LIMCH1: variants seen among roughly 807,000 people sequenced by gnomAD.
LIMCH1 encodes LIM and calponin homology domains 1.
In LIMCH1, 113 loss-of-function variants were observed where a neutral mutation model predicts 176.5. The ratio of observed to expected loss-of-function variants is 0.64; its 90% CI spans 0.55 to 0.75. LIMCH1 has a LOEUF of 0.75. LIMCH1 is among the 30% of genes least tolerant of loss of function. The pLI, the probability that LIMCH1 is intolerant of heterozygous loss-of-function variation, is 0.00. For synonymous variants in LIMCH1, 619 were observed against 645.9 expected (o/e 0.96, Z 0.63); for missense variants, 1,674 against 1,814.9 (o/e 0.92, Z 1.41).
Position 41,573,941 on chromosome 4 carries a change from A to G in LIMCH1, c.-240-24979A>G, listed in dbSNP as rs184064680. On this transcript the variant is annotated intron_variant, in intron 1 of 31. Coordinates refer to ENST00000503057, the MANE Select transcript of LIMCH1 (RefSeq NM_001330672.2). ...CTATTTTTAAAGTTCTGTGTCCTGG[A>G]CCTTTGCCATAAGCTCCCGTCTATA... Among the ~76,000 whole-genome samples, 243 of 152,258 alleles carry G rather than the reference A, an allele frequency of 1.6e-3. 1 individual carries two copies. The highest frequency in any genetic ancestry group is 5.5e-3 in the African/African-American group (229 of 41,558).
intron 14 of LIMCH1, among the ~76,000 whole-genome samples, chr4:41,639,944 T>C (rs1392287375): frequency 6.6e-6 from 1 of 152,206 alleles, no homozygotes; most frequent in Non-Finnish European, 1.5e-5. Context: ...TGAATAGAAT[T>C]TGCATGTAGA....
chr4:41,533,938 C>G (rs997608386), upstream of LIMCH1, among the ~76,000 whole-genome samples: 3 of 152,088 alleles, frequency 2.0e-5, no homozygotes, highest in Non-Finnish European at 4.4e-5. Context: ...TGCAGCTGGA[C>G]GCAGAGTCCC....
At chr4:41,434,130 T>C (rs1308398262) in intron 1 of LIMCH1, among the ~76,000 whole-genome samples, 1 of 152,194 alleles carries the variant, frequency 6.6e-6, no homozygotes, top group Non-Finnish European at 1.5e-5. Flanking sequence ...TCCTGTGTGA[T>C]GGCAGAAGGA....
At position 41,685,757 on chromosome 4, in the gene LIMCH1, G is replaced by A; in HGVS notation, c.4015G>A (p.Asp1339Asn). 3 of 1,613,740 alleles carry A rather than the reference G, an allele frequency of 1.9e-6. No homozygotes were observed. The South Asian group carries it at 3.3e-5, about 18-fold the overall frequency. Residue 1339 changes from aspartate (D) to asparagine (N), a missense_variant, in exon 28 of 32, where the codon GAT (aspartate) becomes AAT (asparagine). Asp to Asn is a conservative substitution (Grantham distance 23). Around this residue, in one of 3 missense-constraint regions of LIMCH1, gnomAD observed 1,015 missense variants for 1,102.5 expected, o/e 0.92. Coordinates refer to ENST00000503057, the MANE Select transcript of LIMCH1 (RefSeq NM_001330672.2). ...QTSNPTHSSEDVKPKTLPLDK... is the reference protein window; with the variant it reads ...QTSNPTHSSENVKPKTLPLDK... ...ATCAAATCCAACGCACAGTTCAGAAGATGTGAAGCCAAAAACCCTCCCGCT... is the reference window on the plus strand; with the variant it reads ...ATCAAATCCAACGCACAGTTCAGAAAATGTGAAGCCAAAAACCCTCCCGCT...
chr4:41,589,166 G>C (rs1480896008), intron 1 of LIMCH1, among the ~76,000 whole-genome samples: 1 of 152,180 alleles, frequency 6.6e-6, no homozygotes, highest in Non-Finnish European at 1.5e-5. Flanking sequence ...TGAAAGAGCA[G>C]GTGTTATAGG....
chr4:41,697,041 TG>T, intron 31 of LIMCH1, 118 bp from the exon 32 acceptor site: 2 of 973,346 alleles, frequency 2.1e-6, no homozygotes, highest in Non-Finnish European at 3.3e-6. Flanking sequence ...GAGAAGTTTC[TG>T]GTCCCCAGGA....
intron 1 of LIMCH1, among the ~76,000 whole-genome samples, chr4:41,557,676 G>T (rs925888993): frequency 6.6e-6 from 1 of 151,942 alleles, no homozygotes; most frequent in Non-Finnish European, 1.5e-5. Flanking sequence ...GAAATTTAAG[G>T]TGATGAGGGA....
At chr4:41,365,283 A>G (rs776448542) in intron 1 of LIMCH1, among the ~76,000 whole-genome samples, 1 of 152,186 alleles carries the variant, frequency 6.6e-6, no homozygotes, top group African/African-American at 2.4e-5. Flanking sequence ...GCTGGAAGGG[A>G]TCAGTTTCTC....
At chr4:41,579,047 T>C (rs2084963439) in intron 1 of LIMCH1, among the ~76,000 whole-genome samples, 1 of 134,766 alleles carries the variant, frequency 7.4e-6, no homozygotes, top group Non-Finnish European at 1.5e-5. Flanking sequence ...GAAAAATGTG[T>C]GATTTTTTTT....
At chr4:41,368,586 A>G (rs1422692181) in intron 1 of LIMCH1, among the ~76,000 whole-genome samples, 2 of 152,194 alleles carry the variant, frequency 1.3e-5, no homozygotes, top group Admixed American at 6.5e-5. Flanking sequence ...AATTTGATTG[A>G]TGATGATTTA....
Position 41,619,365 on chromosome 4 carries a change from A to G in LIMCH1, c.383A>G (p.Lys128Arg), listed in dbSNP as rs571364168. The G allele has an allele frequency of 1.9e-6, 3 of 1,614,162 alleles. No homozygotes were observed. The highest frequency in any genetic ancestry group is 3.3e-5 in the Admixed American group (2 of 60,028). ...TACGTCCCCGCGCCTCTGAGAAAGA[A>G]GAAAGCAGAGAGAGAGGAATACCGC... ...TAYVPAPLRK[K>R]KAEREEYRKS... Residue 128 changes from lysine (K) to arginine (R), a missense_variant, in exon 6 of 32, where the codon AAG becomes AGG. Transcript: ENST00000503057.
At chr4:41,654,048 A>G (rs1301205593) in intron 18 of LIMCH1, among the ~76,000 whole-genome samples, 4 of 152,220 alleles carry the variant, frequency 2.6e-5, no homozygotes, top group Middle Eastern at 3.2e-3. Flanking sequence ...GAAATAGAAG[A>G]ATAAACTTCT....
chr4:41,632,217 C>T (rs992864197), intron 10 of LIMCH1, among the ~76,000 whole-genome samples: 3 of 152,184 alleles, frequency 2.0e-5, no homozygotes, highest in Admixed American at 2.0e-4. Flanking sequence ...CCCTGGGAAC[C>T]TCCATTCCCT....
chr4:41,664,463 A>T (rs540642727), intron 20 of LIMCH1, among the ~76,000 whole-genome samples: 2 of 152,134 alleles, frequency 1.3e-5, no homozygotes, highest in Non-Finnish European at 2.9e-5. Context: ...GACCCTAGCT[A>T]TTCTTCATTT....
intron 1 of LIMCH1, among the ~76,000 whole-genome samples, chr4:41,576,415 C>A (rs1056702379): frequency 9.9e-5 from 15 of 152,102 alleles, no homozygotes; most frequent in Non-Finnish European, 2.9e-5. Flanking sequence ...TTTAAAAATA[C>A]AGATATCCTT....
chr4:41,694,913 A>G (rs1351638124), intron 31 of LIMCH1, among the ~76,000 whole-genome samples: 1 of 152,120 alleles, frequency 6.6e-6, no homozygotes, highest in African/African-American at 2.4e-5. Flanking sequence ...GATATCATCA[A>G]ACATTAAAAA....
chr4:41,631,187 C>T lies in LIMCH1; in HGVS notation c.1311C>T (p.Ser437=). 2.6e-6 allele frequency: 4 copies of T among 1,535,522 alleles called. No homozygotes were observed. In the South Asian group the frequency reaches 3.6e-5, roughly 14 times the overall value. The part of the protein sequence containing the change: ...DVQHICASEP[S]PEIKAETAIR... ...AGCACATCTGTGCTTCTGAGCCTTC[C>T]CCAGAAATTAAAGCAGAAACTGCCA... The change falls in exon 10 of 32, where the codon TCC becomes TCT. Residue 437 remains serine (S), a synonymous_variant. Coordinates refer to ENST00000503057, the MANE Select transcript of LIMCH1 (RefSeq NM_001330672.2).
chr4:41,635,528 T>C (rs1225140042), intron 13 of LIMCH1, among the ~76,000 whole-genome samples: 5 of 152,168 alleles, frequency 3.3e-5, no homozygotes, highest in African/African-American at 9.7e-5. Context: ...GCACCTGGCC[T>C]GTCACTCTTT....
chr4:41,695,923 A>G (rs1730303617), intron 31 of LIMCH1, among the ~76,000 whole-genome samples: 1 of 152,204 alleles, frequency 6.6e-6, no homozygotes, highest in African/African-American at 2.4e-5. Context: ...ATGGGAAAAA[A>G]AAAGGCTAAA....
Sources: allele counts gnomAD v4.1 joint callset (sites outside exome capture counted in the v4.1 genomes callset), GRCh38; gene constraint gnomAD v4.1.1; regional missense constraint gnomAD v4.1.1; transcripts MANE v1.5; gene names NCBI Gene and HGNC (gene_info 2026-07-23, HGNC 2026-07-21).